The following CTNNA1 variants were observed in gnomAD, a reference collection of about 807,000 sequenced individuals.
CTNNA1 encodes the protein catenin alpha-1.
In CTNNA1, 37 loss-of-function variants were observed where a neutral mutation model predicts 98.4. The ratio of observed to expected loss-of-function variants is 0.38; its 90% CI spans 0.29 to 0.49. The LOEUF (loss-of-function observed/expected upper bound fraction) is 0.49. Among genes scored for constraint, CTNNA1 ranks in the 20% least tolerant of loss-of-function variants. The pLI, the probability that CTNNA1 is intolerant of heterozygous loss-of-function variation, is 0.95. For synonymous variants in CTNNA1, 404 were observed against 413.2 expected, an observed-to-expected ratio of 0.98 and a Z score of 0.27; for missense variants, 761 against 1,147.2, an observed-to-expected ratio of 0.66 and a Z score of 4.86.
intron 2 of CTNNA1, among the ~76,000 whole-genome samples, chr5:138,782,935 A>T (rs1267061966): frequency 6.6e-6 from 1 of 152,224 alleles, no homozygotes; most frequent in Non-Finnish European, 1.5e-5. Context: ...AAACCTAATG[A>T]TCATATTTGA....
intron 9 of CTNNA1, among the ~76,000 whole-genome samples, chr5:138,890,686 A>G (rs544398834): frequency 2.0e-5 from 3 of 152,268 alleles, no homozygotes; most frequent in Non-Finnish European, 4.4e-5. Flanking sequence ...GGGTTTCATT[A>G]TGGAGGCATG....
At chr5:138,797,763 A>T (rs1757123385) in intron 3 of CTNNA1, among the ~76,000 whole-genome samples, 1 of 152,066 alleles carries the variant, frequency 6.6e-6, no homozygotes, top group Non-Finnish European at 1.5e-5. Flanking sequence ...GAATTTTGGG[A>T]TGTGACACTG....
intron 7 of CTNNA1, among the ~76,000 whole-genome samples, chr5:138,866,314 ATTTATTTATTTATTTT>A (rs1764780012): frequency 6.8e-6 from 1 of 147,820 alleles, no homozygotes. Context: ...TTATTTATTT[ATTTATTTATTTATTTT>A]GGTACAAATA....
At chr5:138,841,357 T>C (rs1455079460) in intron 7 of CTNNA1, among the ~76,000 whole-genome samples, 1 of 152,144 alleles carries the variant, frequency 6.6e-6, no homozygotes, top group East Asian at 1.9e-4. Context: ...CCTCCTGGAT[T>C]CAAGTGATTC....
At chr5:138,865,986 T>TCA (rs1764719951) in intron 7 of CTNNA1, among the ~76,000 whole-genome samples, 1 of 152,148 alleles carries the variant, frequency 6.6e-6, no homozygotes, top group African/African-American at 2.4e-5. Context: ...TTTTTGGCCC[T>TCA]CACGATGATG....
intron 7 of CTNNA1, among the ~76,000 whole-genome samples, chr5:138,882,282 G>C (rs1328462983): frequency 6.6e-6 from 1 of 152,174 alleles, no homozygotes; most frequent in Admixed American, 6.5e-5. Context: ...GAGTTGGAAG[G>C]AGGGGAGAAG....
At chr5:138,893,335 T>C (rs778717494) in intron 9 of CTNNA1, among the ~76,000 whole-genome samples, 5 of 152,096 alleles carry the variant, frequency 3.3e-5, no homozygotes, top group Admixed American at 6.5e-5. Context: ...AGGCTTTCCA[T>C]ACATAGGTGC....
intron 1 of CTNNA1, among the ~76,000 whole-genome samples, chr5:138,770,734 C>T (rs758095855): frequency 8.5e-5 from 13 of 152,088 alleles, no homozygotes; most frequent in Admixed American, 5.9e-4. Context: ...AGGCAGATCA[C>T]GAGGTCAGGA....
chr5:138,848,256 C>G, intron 7 of CTNNA1, among the ~76,000 whole-genome samples: 1 of 152,238 alleles, frequency 6.6e-6, no homozygotes, highest in Non-Finnish European at 1.5e-5. Flanking sequence ...ATAATGGTGC[C>G]TATGCACCCA....
At chr5:138,841,814 G>A (rs1292589963) in intron 7 of CTNNA1, among the ~76,000 whole-genome samples, 1 of 152,158 alleles carries the variant, frequency 6.6e-6, no homozygotes. Context: ...ACACTTTAAT[G>A]TTTGCAGTTT....
chr5:138,842,338 A>C (rs1269847451), intron 7 of CTNNA1, among the ~76,000 whole-genome samples: 3 of 152,334 alleles, frequency 2.0e-5, no homozygotes, highest in South Asian at 2.1e-4. Flanking sequence ...TAATCTTTTA[A>C]GCTCATACTA....
chr5:138,786,332 A>G (rs755023392), intron 3 of CTNNA1, among the ~76,000 whole-genome samples: 2 of 152,186 alleles, frequency 1.3e-5, no homozygotes, highest in African/African-American at 2.4e-5. Context: ...TCTCTTTTCT[A>G]TCATAAATAG....
At position 138,904,443 on chromosome 5, in the gene CTNNA1, TA is replaced by T. The variant is rs1242640898; in HGVS notation, c.1389+5del. Reference sequence around the variant, plus strand: ...CAGTTAGAAGCCCTCTGTCCTCAGGTAAAGTACAACTGACACTGGTGACAGC... The same window carrying T: ...CAGTTAGAAGCCCTCTGTCCTCAGGTAAGTACAACTGACACTGGTGACAGC... On this transcript the variant is annotated splice_donor_region_variant and intron_variant, in intron 10 of 17. Coordinates refer to ENST00000302763, the MANE Select transcript of CTNNA1 (RefSeq NM_001903.5). The T allele has an allele frequency of 6.2e-7, 1 of 1,613,206 alleles. No homozygotes were observed. Among genetic ancestry groups the T allele is most frequent in the Admixed American group, 1.7e-5 (1 of 59,766 alleles).
At position 138,893,168 on chromosome 5, in the gene CTNNA1, G is replaced by C. The variant is rs1755887669; in HGVS notation, c.1296+5526G>C. Among the ~76,000 whole-genome samples, 3 of 152,268 alleles carry C rather than the reference G, an allele frequency of 2.0e-5. No individual in the cohort carries two copies. The South Asian group carries it at 6.2e-4, about 32-fold the overall frequency. ...CCTTCACTCAAGGCCAGCCCTCACG[G>C]AACACCTGTTCCGGGGTCTGGGGAT... On this transcript the variant is annotated intron_variant, in intron 9 of 17. Transcript: ENST00000302763.
At chr5:138,903,760 A>G (rs1292364700) in intron 9 of CTNNA1, among the ~76,000 whole-genome samples, 1 of 152,200 alleles carries the variant, frequency 6.6e-6, no homozygotes, top group Non-Finnish European at 1.5e-5. Context: ...TATGAAACAT[A>G]ACCAGTTTCC....
At chr5:138,925,086 C>A (rs1320751862) in intron 12 of CTNNA1, among the ~76,000 whole-genome samples, 170 bp from the exon 13 acceptor site, 1 of 152,180 alleles carries the variant, frequency 6.6e-6, no homozygotes, top group Non-Finnish European at 1.5e-5. Context: ...TGATTTGAGT[C>A]GTAAAATACT....
intron 9 of CTNNA1, among the ~76,000 whole-genome samples, chr5:138,892,080 A>G (rs1440065268): frequency 6.6e-6 from 1 of 152,166 alleles, no homozygotes; most frequent in African/African-American, 2.4e-5. Flanking sequence ...ACCAGTGTAC[A>G]TCTTACATAT....
chr5:138,908,068 C>T (rs2150164507), intron 10 of CTNNA1, among the ~76,000 whole-genome samples: 1 of 152,108 alleles, frequency 6.6e-6, no homozygotes, highest in East Asian at 1.9e-4. Flanking sequence ...ACCTCCGCCT[C>T]CAGGGTTCAA....
chr5:138,789,521 T>C (rs1171511021), intron 3 of CTNNA1, among the ~76,000 whole-genome samples: 1 of 152,070 alleles, frequency 6.6e-6, no homozygotes, highest in African/African-American at 2.4e-5. Context: ...GCAGTGGTGG[T>C]ATCTTGGCTC....
Sources: gnomAD v4.1 joint callset for allele counts (sites outside exome capture counted in the v4.1 genomes callset) on GRCh38, gnomAD v4.1.1 for gene constraint, MANE v1.5 for transcripts, NCBI Gene and HGNC (gene_info 2026-07-23, HGNC 2026-07-21) for gene names.